Variants in HMCN1 observed in about 807,000 individuals in gnomAD.
HMCN1 encodes the protein hemicentin 1.
A neutral mutation model predicts 625.9 loss-of-function variants in HMCN1; 321 were observed. The ratio of observed to expected loss-of-function variants is 0.51; its 90% CI spans 0.47 to 0.56. The LOEUF is 0.56. HMCN1 is among the 20% of genes least tolerant of loss of function. HMCN1 has a pLI of 0.00. For missense variants in HMCN1, 6,588 were observed against 6,887.3 expected (o/e 0.96, Z 1.54); for synonymous variants, 2,425 against 2,417.6 (o/e 1.00, Z -0.09).
intron 4 of HMCN1, among the ~76,000 whole-genome samples, chr1:185,889,994 T>A (rs1198808477): frequency 1.3e-5 from 2 of 150,618 alleles, no homozygotes; most frequent in Non-Finnish European, 2.9e-5. Context: ...CAGATCCTGT[T>A]ATTGGTCTAT....
At chr1:186,115,715 A>G (rs571743073) in intron 75 of HMCN1, among the ~76,000 whole-genome samples, 23 of 152,180 alleles carry the variant, frequency 1.5e-4, no homozygotes, top group Non-Finnish European at 3.1e-4. Context: ...AAGGATAAAA[A>G]CATCATTTTA....
At chr1:186,134,786 C>A (rs575027765) in intron 86 of HMCN1, among the ~76,000 whole-genome samples, 1 of 152,296 alleles carries the variant, frequency 6.6e-6, no homozygotes, top group African/African-American at 2.4e-5. Flanking sequence ...TCTCACTGAA[C>A]AAATCATTCT....
intron 15 of HMCN1, among the ~76,000 whole-genome samples, chr1:185,973,701 A>G (rs1650994103): frequency 6.6e-6 from 1 of 152,052 alleles, no homozygotes; most frequent in Admixed American, 6.6e-5. Flanking sequence ...TGGACATTTC[A>G]GGTCAACAGG....
intron 47 of HMCN1, 89 bp downstream of exon 47, chr1:186,062,053 A>C (rs1291616949): frequency 2.7e-4 from 208 of 778,506 alleles, no homozygotes; most frequent in Middle Eastern, 8.5e-4. Flanking sequence ...ACTTGATCTC[A>C]TACCTGTGTT....
chr1:186,156,291 A>C (rs1485167571), intron 97 of HMCN1, among the ~76,000 whole-genome samples: 2 of 152,212 alleles, frequency 1.3e-5, no homozygotes, highest in Non-Finnish European at 2.9e-5. Flanking sequence ...AAATATTTGC[A>C]TCACATGTTA....
intron 2 of HMCN1, among the ~76,000 whole-genome samples, chr1:185,847,579 C>T (rs1456781743): frequency 6.6e-6 from 1 of 152,154 alleles, no homozygotes; most frequent in Non-Finnish European, 1.5e-5. Flanking sequence ...CCTATCCTAT[C>T]CTTATTCACT....
chr1:185,768,348 G>A (rs909260621), intron 1 of HMCN1, among the ~76,000 whole-genome samples: 1 of 152,132 alleles, frequency 6.6e-6, no homozygotes, highest in African/African-American at 2.4e-5. Flanking sequence ...CTGGAAAAAA[G>A]TAAGAATTTT....
intron 1 of HMCN1, among the ~76,000 whole-genome samples, chr1:185,785,317 G>A (rs913944396): frequency 2.0e-5 from 3 of 152,160 alleles, no homozygotes; most frequent in African/African-American, 7.2e-5. Flanking sequence ...GTAGGAGTAG[G>A]ATGTGTTTGA....
At chr1:186,102,740 C>T (rs1450435893) in intron 68 of HMCN1, among the ~76,000 whole-genome samples, 2 of 152,120 alleles carry the variant, frequency 1.3e-5, no homozygotes, top group South Asian at 4.1e-4. Context: ...AAATAGTAAG[C>T]TGGAAACTTG....
intron 40 of HMCN1, among the ~76,000 whole-genome samples, chr1:186,042,692 G>T (rs991868515): frequency 6.6e-6 from 1 of 152,118 alleles, no homozygotes; most frequent in African/African-American, 2.4e-5. Context: ...TATACATGCA[G>T]CAAGCTGCTG....
At position 185,970,507 on chromosome 1, in the gene HMCN1, T is replaced by A; in HGVS notation, c.2371+14T>A. 1 of 1,603,926 alleles carries A rather than the reference T, an allele frequency of 6.2e-7. No homozygotes were observed. Among genetic ancestry groups the A allele is most frequent in the Non-Finnish European group, 8.5e-7 (1 of 1,170,700 alleles). The stretch of plus-strand genomic sequence containing the variant: ...TGGATGTTGGCTGTAAGCCTCCAGA[T>A]CTTATAGGCCAATTTGTTTAGAAAT... On this transcript the variant is annotated intron_variant, in intron 15 of 106. Coordinates refer to ENST00000271588, the MANE Select transcript of HMCN1 (RefSeq NM_031935.3).
chr1:185,990,402 T>C lies in HMCN1; in HGVS notation c.3336T>C (p.Thr1112=), dbSNP rs778305673. The C allele has an allele frequency of 5.0e-6, 8 of 1,614,094 alleles. No individual in the cohort carries two copies. In the Admixed American group the frequency reaches 8.3e-5, roughly 17 times the overall value. ...AGAGCTTACCTCCACCCATAATTAC[T>C]TGGGCCAAAGAAACCCAGCTCATCT... The part of the protein sequence containing the change: ...EVKSLPPPII[T]WAKETQLISP... Residue 1112 remains threonine (T), a synonymous_variant, in exon 22 of 107, where the codon ACT becomes ACC. Transcript: ENST00000271588.
At chr1:186,103,074 G>A (rs566909949) in intron 68 of HMCN1, among the ~76,000 whole-genome samples, 11 of 152,016 alleles carry the variant, frequency 7.2e-5, no homozygotes, top group Admixed American at 7.2e-4. Flanking sequence ...TTCACGCATT[G>A]TTTTTGTAGA....
In HMCN1 at chr1:186,053,971, A is replaced by G; in HGVS notation, c.6847A>G (p.Asn2283Asp). 2 of 1,612,472 alleles carry G rather than the reference A, an allele frequency of 1.2e-6. No homozygotes were observed. The highest frequency in any genetic ancestry group is 1.7e-6 in the Non-Finnish European group (2 of 1,179,100). ...TGCTGGGACTGCAAAGAAAGAATAC[A>G]ATCTGCAAGTTTACAGTAAGTTGTT... Reference protein sequence around the residue: ...NVAGTAKKEYNLQVYIRPTIT... With the variant: ...NVAGTAKKEYDLQVYIRPTIT... Residue 2283 changes from asparagine to aspartate, a missense_variant, in exon 44 of 107, where the codon AAT becomes GAT. Around this residue, in one of 3 missense-constraint regions of HMCN1, gnomAD observed 4,628 missense variants for 4,853.1 expected, o/e 0.95. Coordinates refer to ENST00000271588, the MANE Select transcript of HMCN1 (RefSeq NM_031935.3).
At chr1:185,891,355 T>A (rs1274762508) in intron 4 of HMCN1, among the ~76,000 whole-genome samples, 10 of 146,636 alleles carry the variant, frequency 6.8e-5, no homozygotes, top group Non-Finnish European at 1.5e-4. Context: ...CCTGTCATTA[T>A]GATGTTAGCT....
At chr1:186,071,463 G>A (rs1002902231) in intron 52 of HMCN1, among the ~76,000 whole-genome samples, 13 of 152,114 alleles carry the variant, frequency 8.5e-5, no homozygotes, top group Middle Eastern at 3.2e-3. Flanking sequence ...AAAGACATAT[G>A]TGCTGTTGAT....
At chr1:186,048,245 A>T (rs758461682) in intron 41 of HMCN1, among the ~76,000 whole-genome samples, 2 of 152,142 alleles carry the variant, frequency 1.3e-5, no homozygotes, top group Non-Finnish European at 2.9e-5. Flanking sequence ...ATATTTACTG[A>T]TACTAATTCA....
chr1:186,086,293 G>A lies in HMCN1; in HGVS notation c.8932G>A (p.Val2978Met), dbSNP rs1392996463. The A allele has an allele frequency of 9.3e-6, 15 of 1,613,170 alleles. No homozygotes were observed. The highest frequency in any genetic ancestry group is 1.3e-5 in the Non-Finnish European group (15 of 1,179,418). Reference protein sequence around the residue: ...GPKSENLTVVVNNFISLTCEV... With the variant: ...GPKSENLTVVMNNFISLTCEV... ...TAAATCTGAAAATCTTACCGTCGTGGTGAACAATTTCATCTCTTTGACCTG... is the reference window on the plus strand; with the variant it reads ...TAAATCTGAAAATCTTACCGTCGTGATGAACAATTTCATCTCTTTGACCTG... Residue 2978 changes from valine to methionine, a missense_variant, in exon 58 of 107, where the codon GTG (valine) becomes ATG (methionine). Val to Met is a conservative substitution (Grantham distance 21, BLOSUM62 1). This residue lies in a region of HMCN1 where 4,628 missense variants were observed against 4,853.1 expected (regional missense o/e 0.95). Transcript: ENST00000271588.
In HMCN1 at chr1:185,989,611, G is replaced by A. The variant is rs1418379831; in HGVS notation, c.3172G>A (p.Gly1058Ser). The A allele has an allele frequency of 5.6e-6, 9 of 1,613,804 alleles. No individual in the cohort carries two copies. In the East Asian group the frequency reaches 6.7e-5, roughly 12 times the overall value. The change falls in exon 21 of 107, where the codon GGC (glycine) becomes AGC (serine). Residue 1058 changes from glycine to serine, a missense_variant. Transcript: ENST00000271588. Reference protein sequence around the residue: ...EYVCTATNTAGYAKRKVQLTV... With the variant: ...EYVCTATNTASYAKRKVQLTV... ...TGTCTGCACTGCCACCAATACAGCC[G>A]GCTACGCCAAAAGGAAAGTGCAGCT... is the stretch of plus-strand genomic sequence containing the variant.
Sources: allele counts gnomAD v4.1 joint callset (sites outside exome capture counted in the v4.1 genomes callset), GRCh38; gene constraint gnomAD v4.1.1; regional missense constraint gnomAD v4.1.1; transcripts MANE v1.5; gene names NCBI Gene and HGNC (gene_info 2026-07-23, HGNC 2026-07-21).